Variants in INTS4 observed in about 807,000 individuals in gnomAD.
INTS4 encodes MSTP093.
In INTS4, 70 loss-of-function variants were observed where a neutral mutation model predicts 119.5. The observed-to-expected ratio is 0.59, with a 90% CI of 0.48 to 0.71. The LOEUF is 0.71. Among genes scored for constraint, INTS4 ranks in the 30% least tolerant of loss-of-function variants. The probability of loss-of-function intolerance (pLI) is 0.00; values close to 1 mark genes in which losing one functional copy is unlikely to be tolerated. For missense variants in INTS4, 867 were observed against 1,173.2 expected, an observed-to-expected ratio of 0.74 and a Z score of 3.81; for synonymous variants, 316 against 419.6, an observed-to-expected ratio of 0.75 and a Z score of 3.02.
Position 77,901,404 on chromosome 11 carries a change from C to T in INTS4, c.2228+17G>A, listed in dbSNP as rs770389967. 1.2e-6 allele frequency: 2 copies of T among 1,613,678 alleles called. No individual in the cohort carries two copies. The highest frequency in any genetic ancestry group is 1.7e-6 in the Non-Finnish European group (2 of 1,179,716). ...GAAAGGAACATGCCACATATTTTGG[C>T]CAACCCCACATCTTACCCTCGTGTA... is the stretch of plus-strand genomic sequence containing the variant. On this transcript the variant is annotated intron_variant, in intron 18 of 22. Transcript: ENST00000534064.
chr11:77,981,100 G>T (rs544575611), intron 3 of INTS4, among the ~76,000 whole-genome samples: 1 of 150,412 alleles, frequency 6.6e-6, no homozygotes, highest in Non-Finnish European at 1.5e-5. Context: ...TATAGCAAGG[G>T]TCATTAACAT....
intron 4 of INTS4, among the ~76,000 whole-genome samples, chr11:77,971,184 T>C (rs1490987337): frequency 6.6e-6 from 1 of 152,224 alleles, no homozygotes; most frequent in African/African-American, 2.4e-5. Flanking sequence ...CTTTTTTCTA[T>C]ATCTATTTGG....
intron 22 of INTS4, 25 bp from the exon 23 acceptor site, chr11:77,879,152 T>G: frequency 6.2e-7 from 1 of 1,611,638 alleles, no homozygotes; most frequent in African/African-American, 1.3e-5. Flanking sequence ...AAAGAAATCC[T>G]CTATAACTAG....
intron 15 of INTS4, 105 bp downstream of exon 15, chr11:77,918,716 C>G: frequency 3.4e-6 from 5 of 1,487,892 alleles, no homozygotes; most frequent in Non-Finnish European, 4.5e-6. Context: ...GAATGTAGAC[C>G]AATAAAGTCA....
chr11:77,978,909 A>C, intron 4 of INTS4, 87 bp downstream of exon 4: 1 of 751,926 alleles, frequency 1.3e-6, no homozygotes, highest in East Asian at 2.6e-5. Flanking sequence ...GATGAAAAAA[A>C]TAAGGCAGCT....
chr11:77,906,193 C>T (rs1012388436), intron 16 of INTS4, among the ~76,000 whole-genome samples: 1 of 152,102 alleles, frequency 6.6e-6, no homozygotes, highest in Non-Finnish European at 1.5e-5. Context: ...ATGATTGGCT[C>T]CCCTTCTTTT....
At chr11:77,960,667 C>T (rs1485729412) in intron 5 of INTS4, among the ~76,000 whole-genome samples, 2 of 152,076 alleles carry the variant, frequency 1.3e-5, no homozygotes, top group Non-Finnish European at 2.9e-5. Flanking sequence ...CCACCTCCCC[C>T]TATTATAATA....
chr11:77,876,665 T>C (rs1951603110), downstream of INTS4, among the ~76,000 whole-genome samples: 8 of 152,166 alleles, frequency 5.3e-5, no homozygotes. Context: ...TGTATTCTGA[T>C]ACCAAGCCAA....
At chr11:77,953,785 T>C in intron 8 of INTS4, among the ~76,000 whole-genome samples, 1 of 152,192 alleles carries the variant, frequency 6.6e-6, no homozygotes, top group Non-Finnish European at 1.5e-5. Context: ...GGTTTCACCA[T>C]GTTGGCCAGG....
chr11:77,916,843 T>C (rs889531810), intron 15 of INTS4, among the ~76,000 whole-genome samples: 11 of 152,264 alleles, frequency 7.2e-5, no homozygotes, highest in Non-Finnish European at 1.3e-4. Context: ...ATTTATCAAA[T>C]TGATGATTTC....
rs762581587 is a variant in INTS4 at position 77,961,109 on chromosome 11, T to C, written c.501A>G (p.Arg167=). 1 of 1,605,792 alleles carries C rather than the reference T, an allele frequency of 6.2e-7. No individual in the cohort carries two copies. The highest frequency in any genetic ancestry group is 2.2e-5 in the East Asian group (1 of 44,660). ...KHLTDTSHGV[R]NKCLQLLGNL... ...TGCCAAGTAACTGCAGGCACTTATT[T>C]CTTACACCATGAGACGTATCTGTCA... Residue 167 remains arginine (R), a synonymous_variant, in exon 5 of 23, where the codon AGA becomes AGG. Transcript: ENST00000534064.
downstream of INTS4, among the ~76,000 whole-genome samples, chr11:77,876,394 A>G (rs1008893273): frequency 1.3e-5 from 2 of 149,096 alleles, no homozygotes; most frequent in African/African-American, 4.9e-5. Flanking sequence ...AAACCTTTAT[A>G]AAAAGGTCTT....
intron 15 of INTS4, 122 bp from the exon 16 acceptor site, chr11:77,907,932 G>A (rs1401209987): frequency 9.7e-6 from 6 of 616,094 alleles, no homozygotes; most frequent in South Asian, 2.1e-5. Context: ...TTTAAATGAC[G>A]ACACTGAATG....
In INTS4 at chr11:77,919,090, A is replaced by G. The variant is rs536962646; in HGVS notation, c.1765-112T>C. ...ACGTGAGCTAAACAAAACAAAGGGG[A>G]AAAAAGGCTAGGATATTCTATAAAT... On this transcript the variant is annotated intron_variant, in intron 14 of 22. Coordinates refer to ENST00000534064, the MANE Select transcript of INTS4 (RefSeq NM_033547.4). 3.7e-6 allele frequency: 4 copies of G among 1,078,394 alleles called. No homozygotes were observed. In the African/African-American group the frequency reaches 6.3e-5, roughly 17 times the overall value. The allele number at this position is 1,078,394 out of a possible 1,614,324, so 66.8% of individuals were successfully genotyped here.
intron 8 of INTS4, among the ~76,000 whole-genome samples, chr11:77,951,624 C>T (rs1039764395): frequency 6.6e-6 from 1 of 152,196 alleles, no homozygotes; most frequent in Non-Finnish European, 1.5e-5. Flanking sequence ...ATGTCAAAAA[C>T]ACCAAAAGCA....
In INTS4 at chr11:77,885,230, G is replaced by A. The variant is rs185243838; in HGVS notation, c.2593-1278C>T. Reference sequence around the variant, plus strand: ...GTAGCTGGGATTACAGGCGCCCACCGTCATGCCCGGCTAATTTTGTATCTT... The same window carrying A: ...GTAGCTGGGATTACAGGCGCCCACCATCATGCCCGGCTAATTTTGTATCTT... On this transcript the variant is annotated intron_variant, in intron 21 of 22. Transcript: ENST00000534064. 7.2e-5 allele frequency among the ~76,000 whole-genome samples: 11 copies of A among 151,934 alleles called. No homozygotes were observed. The East Asian group carries it at 7.8e-4, about 11-fold the overall frequency.
At chr11:77,946,830 A>G (rs1211345152) in intron 8 of INTS4, among the ~76,000 whole-genome samples, 2 of 151,582 alleles carry the variant, frequency 1.3e-5, no homozygotes, top group African/African-American at 4.8e-5. Flanking sequence ...AAAATGCCTG[A>G]AAAGGAATTC....
At chr11:77,898,509 A>G (rs1312253280) in intron 18 of INTS4, among the ~76,000 whole-genome samples, 2 of 152,208 alleles carry the variant, frequency 1.3e-5, no homozygotes, top group African/African-American at 4.8e-5. Context: ...AAAGCATACT[A>G]AAATCTTCAT....
intron 15 of INTS4, among the ~76,000 whole-genome samples, chr11:77,908,466 T>C (rs1953015522): frequency 1.3e-5 from 2 of 152,068 alleles, no homozygotes; most frequent in South Asian, 4.2e-4. Context: ...CTAGCTGGGA[T>C]TGCAGACGCA....
Sources: allele counts gnomAD v4.1 joint callset (sites outside exome capture counted in the v4.1 genomes callset), GRCh38; gene constraint gnomAD v4.1.1; transcripts MANE v1.5; gene names NCBI Gene and HGNC (gene_info 2026-07-23, HGNC 2026-07-21).